GRIN2B: variants seen among roughly 807,000 people sequenced by gnomAD.
The protein encoded by GRIN2B is glutamate receptor ionotropic, NMDA 2B.
GRIN2B carries 5 observed loss-of-function variants against 114.5 expected under a neutral mutation model. That is an observed-to-expected ratio of 0.04 (90% CI 0.02 to 0.09). The LOEUF is 0.09. GRIN2B is among the 10% of genes least tolerant of loss of function. GRIN2B has a pLI of 1.00. For synonymous variants in GRIN2B, 787 were observed against 745.1 expected, an observed-to-expected ratio of 1.06 and a Z score of -0.92; for missense variants, 1,108 against 1,943.5, an observed-to-expected ratio of 0.57 and a Z score of 8.08.
chr12:13,570,242 T>G (rs1051376720), intron 11 of GRIN2B, among the ~76,000 whole-genome samples: 1 of 152,184 alleles, frequency 6.6e-6, no homozygotes, highest in Admixed American at 6.5e-5. Context: ...CTGGGAATGA[T>G]GAGAATGTAA....
chr12:13,896,106 C>T (rs1018264810), intron 2 of GRIN2B, among the ~76,000 whole-genome samples: 1 of 152,010 alleles, frequency 6.6e-6, no homozygotes, highest in African/African-American at 2.4e-5. Flanking sequence ...AAATAAAGTA[C>T]ACAAACAGAG....
chr12:13,863,010 C>T (rs1243676092), intron 3 of GRIN2B, among the ~76,000 whole-genome samples: 1 of 152,194 alleles, frequency 6.6e-6, no homozygotes, highest in East Asian at 1.9e-4. Flanking sequence ...GATATTTACG[C>T]TATTTTAGAA....
intron 8 of GRIN2B, among the ~76,000 whole-genome samples, chr12:13,612,817 T>C (rs1269603587): frequency 1.3e-5 from 2 of 152,200 alleles, no homozygotes; most frequent in South Asian, 2.1e-4. Context: ...GCTCCCTCAA[T>C]TGTGTCTCAA....
intron 2 of GRIN2B, among the ~76,000 whole-genome samples, chr12:13,970,070 C>A (rs555611904): frequency 6.6e-6 from 1 of 152,310 alleles, no homozygotes; most frequent in East Asian, 1.9e-4. Context: ...CCAGGCTGGT[C>A]TCGAACTCCT....
At chr12:13,713,131 T>C (rs1269126234) in intron 4 of GRIN2B, among the ~76,000 whole-genome samples, 4 of 151,896 alleles carry the variant, frequency 2.6e-5, no homozygotes, top group African/African-American at 9.7e-5. Flanking sequence ...CAACAAGACA[T>C]GAAACATTTA....
intron 2 of GRIN2B, among the ~76,000 whole-genome samples, chr12:13,931,256 A>G (rs1235472987): frequency 6.6e-6 from 1 of 152,234 alleles, no homozygotes; most frequent in South Asian, 2.1e-4. Context: ...AATTGCTTGC[A>G]TAGACGTCAC....
chr12:13,922,187 G>T (rs1866835514), intron 2 of GRIN2B, among the ~76,000 whole-genome samples: 1 of 152,112 alleles, frequency 6.6e-6, no homozygotes, highest in Non-Finnish European at 1.5e-5. Flanking sequence ...TAAACAAGTA[G>T]ACTGAATCTA....
chr12:13,654,168 G>A (rs746511016), intron 5 of GRIN2B, among the ~76,000 whole-genome samples: 9 of 152,164 alleles, frequency 5.9e-5, no homozygotes, highest in South Asian at 2.1e-4. Context: ...GGAATCCTCC[G>A]ATGAAAGGCA....
intron 5 of GRIN2B, among the ~76,000 whole-genome samples, chr12:13,641,164 TGG>T (rs1263442400): frequency 1.3e-5 from 2 of 152,030 alleles, no homozygotes; most frequent in African/African-American, 2.4e-5. Flanking sequence ...CTCCATCTCC[TGG>T]GTTCAAGTAA....
At chr12:13,732,220 A>G (rs917003961) in intron 4 of GRIN2B, among the ~76,000 whole-genome samples, 11 of 152,098 alleles carry the variant, frequency 7.2e-5, no homozygotes, top group African/African-American at 2.4e-4. Flanking sequence ...TTAAGATCAC[A>G]TATTTCCATG....
At chr12:13,916,567 G>C (rs934226236) in intron 2 of GRIN2B, among the ~76,000 whole-genome samples, 1 of 151,994 alleles carries the variant, frequency 6.6e-6, no homozygotes, top group Non-Finnish European at 1.5e-5. Flanking sequence ...AATATCTATC[G>C]GCCAGGCGTG....
At chr12:13,962,412 A>T (rs1169648221) in intron 2 of GRIN2B, among the ~76,000 whole-genome samples, 1 of 152,214 alleles carries the variant, frequency 6.6e-6, no homozygotes, top group Non-Finnish European at 1.5e-5. Context: ...GCAGTTATTC[A>T]ATTCAGATTT....
At chr12:13,689,731 A>T (rs2284409) in intron 4 of GRIN2B, among the ~76,000 whole-genome samples, 113,917 of 151,516 alleles carry the variant, frequency 0.75, 43,623 homozygotes, top group Middle Eastern at 0.87. Context: ...TCAGCAAAGG[A>T]TCTCTACACC....
rs192965949 is a variant in GRIN2B, at chr12:13,742,961, G to A, written c.1010+10356C>T. Among the ~76,000 whole-genome samples, 16 of 152,292 alleles carry A rather than the reference G, an allele frequency of 1.1e-4. 1 individual carries two copies. The East Asian group carries it at 2.1e-3, about 20-fold the overall frequency. ...AACTGGAGTTCCAGCAGCCATCTTAGGCATGGGGATGAAGGATATACCCAG... is the reference window on the plus strand; with the variant it reads ...AACTGGAGTTCCAGCAGCCATCTTAAGCATGGGGATGAAGGATATACCCAG... On this transcript the variant is annotated intron_variant, in intron 4 of 13. Coordinates refer to ENST00000609686, the MANE Select transcript of GRIN2B (RefSeq NM_000834.5).
rs184502468 is a variant in GRIN2B at position 13,564,877 on chromosome 12, C to T, written c.2599-238G>A. ...TGGCCATCAGAGGGGGGGGCATGGC[C>T]CCACCCAGTAACTTGAGCAAAGGGA... On this transcript the variant is annotated intron_variant, in intron 13 of 13. Transcript: ENST00000609686. This position sits in a 1 kb window ranked among gnomAD's most constrained non-coding sequence, Gnocchi z 4.8. Among the ~76,000 whole-genome samples the T allele has an allele frequency of 2.8e-4, 43 of 152,288 alleles. No homozygotes were observed. The highest frequency in any genetic ancestry group is 1.0e-3 in the African/African-American group (42 of 41,576).
At chr12:13,692,772 T>C (rs1281702706) in intron 4 of GRIN2B, among the ~76,000 whole-genome samples, 5 of 124,832 alleles carry the variant, frequency 4.0e-5, no homozygotes, top group Admixed American at 1.6e-4. Flanking sequence ...TTTTTTTTTT[T>C]TTTTTTTTTT....
intron 3 of GRIN2B, 57 bp downstream of exon 3, chr12:13,865,741 C>T (rs751449318): frequency 4.4e-6 from 6 of 1,377,912 alleles, no homozygotes; most frequent in Non-Finnish European, 6.2e-6. Context: ...AAAACAAATG[C>T]ATGGTTTAGT....
chr12:13,595,498 T>C (rs958161241), intron 10 of GRIN2B, among the ~76,000 whole-genome samples: 6 of 152,224 alleles, frequency 3.9e-5, no homozygotes, highest in African/African-American at 1.4e-4. Flanking sequence ...TCCCAAATTA[T>C]GTCAGACCCG....
intron 2 of GRIN2B, among the ~76,000 whole-genome samples, chr12:13,978,660 C>A (rs1046841555): frequency 6.6e-6 from 1 of 152,140 alleles, no homozygotes; most frequent in Non-Finnish European, 1.5e-5. Context: ...GCTAATGATT[C>A]TGCTACATGT....
Sources: allele counts gnomAD v4.1 joint callset (sites outside exome capture counted in the v4.1 genomes callset), GRCh38; gene constraint gnomAD v4.1.1; non-coding constraint Gnocchi (gnomAD v3.1); transcripts MANE v1.5; gene names NCBI Gene and HGNC (gene_info 2026-07-23, HGNC 2026-07-21).